DNAH9: variants seen among roughly 807,000 people sequenced by gnomAD.
DNAH9 encodes the protein DNAH9 variant protein.
In DNAH9, 345 loss-of-function variants were observed where a neutral mutation model predicts 471.6. The observed-to-expected ratio is 0.73, with a 90% CI of 0.67 to 0.80. The LOEUF (loss-of-function observed/expected upper bound fraction) is 0.80. Among genes scored for constraint, DNAH9 ranks in the 30% least tolerant of loss-of-function variants. The pLI, the probability that DNAH9 is intolerant of heterozygous loss-of-function variation, is 0.00. For synonymous variants in DNAH9, 2,093 were observed against 2,123.6 expected (o/e 0.99, Z 0.40); for missense variants, 5,407 against 5,609.2 (o/e 0.96, Z 1.15).
chr17:11,905,617 G>T, intron 60 of DNAH9, 44 bp from the exon 61 acceptor site: 1 of 1,577,582 alleles, frequency 6.3e-7, no homozygotes, highest in Non-Finnish European at 8.6e-7. Context: ...CCATTTTGTG[G>T]CTGCTATATA....
rs117790039 is a variant in DNAH9, at chr17:11,822,020, C to T, written c.8808C>T (p.Asn2936=). 67,171 of 1,613,928 alleles carry T rather than the reference C, an allele frequency of 0.042. 1,720 individuals are homozygous for T. Among genetic ancestry groups the T allele is most frequent in the Non-Finnish European group, 0.045 (52,759 of 1,179,910 alleles). ...KSQGLVDNRE[N]CWKFFIDRIR... ...AGGGTCTGGTTGACAACAGAGAGAA[C>T]TGTTGGAAGTTCTTTATAGATCGGA... Residue 2936 remains asparagine (N), a synonymous_variant, in exon 46 of 69, where the codon AAC becomes AAT. Transcript: ENST00000262442.
At chr17:11,865,659 A>G (rs1194611412) in intron 50 of DNAH9, among the ~76,000 whole-genome samples, 3 of 151,896 alleles carry the variant, frequency 2.0e-5, no homozygotes, top group African/African-American at 7.3e-5. Flanking sequence ...AGGTACACCA[A>G]TCAGACGTAG....
At chr17:11,653,165 G>A (rs1194223595) in intron 14 of DNAH9, among the ~76,000 whole-genome samples, 163 bp downstream of exon 14, 3 of 152,160 alleles carry the variant, frequency 2.0e-5, no homozygotes, top group African/African-American at 7.2e-5. Context: ...TGATAGACTG[G>A]GCAAATGAAA....
chr17:11,598,645 T>G lies in DNAH9; in HGVS notation c.147T>G (p.Ser49Arg). The part of the protein sequence containing the change: ...AAGAWERCAG[S>R]AEAEQLLQAF... Reference sequence around the variant, plus strand: ...GCGCCTGGGAGCGTTGCGCGGGGAGTGCTGAGGCGGAGCAGCTGCTCCAGG... The same window carrying G: ...GCGCCTGGGAGCGTTGCGCGGGGAGGGCTGAGGCGGAGCAGCTGCTCCAGG... Residue 49 changes from serine (S) to arginine (R), a missense_variant, in exon 1 of 69, where the codon AGT becomes AGG. By Grantham distance (110) the Ser-to-Arg change is moderately radical. This residue lies in a region of DNAH9 where 767 missense variants were observed against 692.5 expected (regional missense o/e 1.11). Coordinates refer to ENST00000262442, the MANE Select transcript of DNAH9 (RefSeq NM_001372.4). The G allele has an allele frequency of 7.4e-7, 1 of 1,353,144 alleles. No individual in the cohort carries two copies. The highest frequency in any genetic ancestry group is 9.4e-7 in the Non-Finnish European group (1 of 1,058,288). The allele number at this position is 1,353,144 out of a possible 1,614,324, so 83.8% of individuals were successfully genotyped here.
In DNAH9 at chr17:11,744,994, C is replaced by T. The variant is rs760019726; in HGVS notation, c.6309C>T (p.Val2103=). The part of the protein sequence containing the change: ...LIGDLFPALD[V]PRRRDPNFEA... ...GGGACCTCTTTCCCGCCCTGGATGT[C>T]CCCCGGAGGAGAGACCCCAACTTCG... The change falls in exon 31 of 69, where the codon GTC becomes GTT. Residue 2103 remains valine (V), a synonymous_variant. Coordinates refer to ENST00000262442, the MANE Select transcript of DNAH9 (RefSeq NM_001372.4). The T allele has an allele frequency of 3.7e-5, 59 of 1,613,920 alleles. No individual in the cohort carries two copies. The East Asian group carries it at 9.1e-4, about 25-fold the overall frequency.
intron 66 of DNAH9, among the ~76,000 whole-genome samples, chr17:11,938,577 G>A (rs1180081632): frequency 1.3e-5 from 2 of 151,638 alleles, no homozygotes; most frequent in Non-Finnish European, 2.9e-5. Context: ...TCCACCCCAT[G>A]GTACTGCCTG....
chr17:11,930,765 C>CAAAAAA (rs11371438), intron 63 of DNAH9, among the ~76,000 whole-genome samples: 1 of 125,218 alleles, frequency 8.0e-6, no homozygotes, highest in African/African-American at 3.2e-5. Context: ...ACTCCATCTC[C>CAAAAAA]AAAAAAAAAA....
chr17:11,748,896 C>T (rs1597588299), intron 32 of DNAH9, among the ~76,000 whole-genome samples: 1 of 152,192 alleles, frequency 6.6e-6, no homozygotes, highest in East Asian at 1.9e-4. Context: ...CTCTGGATTT[C>T]TCTAATTTAG....
At chr17:11,862,711 A>T (rs1235888730) in intron 50 of DNAH9, among the ~76,000 whole-genome samples, 2 of 152,160 alleles carry the variant, frequency 1.3e-5, no homozygotes, top group Non-Finnish European at 2.9e-5. Context: ...AGTGGTTTGT[A>T]GTTCTCCCTG....
At chr17:11,706,583 G>C (rs908087209) in intron 26 of DNAH9, among the ~76,000 whole-genome samples, 4 of 152,168 alleles carry the variant, frequency 2.6e-5, no homozygotes, top group Non-Finnish European at 4.4e-5. Context: ...CCCACTCACA[G>C]TAGAAGGAAA....
At chr17:11,908,873 A>G (rs139821742) in intron 61 of DNAH9, among the ~76,000 whole-genome samples, 2 of 152,348 alleles carry the variant, frequency 1.3e-5, no homozygotes, top group Middle Eastern at 3.4e-3. Flanking sequence ...GTGTCTGTCA[A>G]GATGGCTGTT....
At chr17:11,705,291 C>T in intron 26 of DNAH9, 106 bp downstream of exon 26, 1 of 1,005,608 alleles carries the variant, frequency 9.9e-7, no homozygotes, top group South Asian at 1.5e-5. Context: ...GTCCATAGAG[C>T]TACAGGGAAA....
At position 11,699,730 on chromosome 17, in the gene DNAH9, G is replaced by T. The variant is rs375909376; in HGVS notation, c.4873-1G>T. ...TCCATTGGCCTGGTTTCCCTTCATA[G>T]GTTCAACGTCACCTTTCCAAACTCT... is the stretch of plus-strand genomic sequence containing the variant. On this transcript the variant is annotated splice_acceptor_variant, in intron 22 of 68. Transcript: ENST00000262442. LOFTEE classifies it high-confidence loss of function. The T allele has an allele frequency of 6.2e-7, 1 of 1,613,974 alleles. No homozygotes were observed. Among genetic ancestry groups the T allele is most frequent in the Non-Finnish European group, 8.5e-7 (1 of 1,179,986 alleles).
rs556845423 is a variant in DNAH9, at chr17:11,950,372, C to T, written c.12843+7887C>T. Among the ~76,000 whole-genome samples, 320 of 152,200 alleles carry T rather than the reference C, an allele frequency of 2.1e-3. 2 individuals carry two copies. Among genetic ancestry groups the T allele is most frequent in the African/African-American group, 7.2e-3 (297 of 41,520 alleles). The stretch of plus-strand genomic sequence containing the variant: ...AAGTAGTTTCACTGCCCTAAAATTC[C>T]TTTGTATTGGATATATTTTAAACTT... On this transcript the variant is annotated intron_variant, in intron 67 of 68. Transcript: ENST00000262442.
In DNAH9 at chr17:11,860,762, T is replaced by C. The variant is rs143513030; in HGVS notation, c.9933+6334T>C. ...TTTCAGTAGAGATGAGGTTTTTCCA[T>C]GTTAGTCAGGCTGGTCTCGAACTCC... On this transcript the variant is annotated intron_variant, in intron 50 of 68. Coordinates refer to ENST00000262442, the MANE Select transcript of DNAH9 (RefSeq NM_001372.4). Among the ~76,000 whole-genome samples the C allele has an allele frequency of 2.6e-4, 39 of 152,278 alleles. No individual in the cohort carries two copies. The East Asian group carries it at 6.0e-3, about 23-fold the overall frequency.
intron 7 of DNAH9, among the ~76,000 whole-genome samples, chr17:11,631,412 G>C (rs2073062847): frequency 6.6e-6 from 1 of 152,036 alleles, no homozygotes; most frequent in African/African-American, 2.4e-5. Context: ...AATTCTATTA[G>C]TCAAAAGTAG....
intron 59 of DNAH9, among the ~76,000 whole-genome samples, chr17:11,902,286 G>A (rs534572991): frequency 6.6e-6 from 1 of 152,306 alleles, no homozygotes; most frequent in East Asian, 1.9e-4. Flanking sequence ...TTAACACAGA[G>A]TACATGAATA....
intron 50 of DNAH9, among the ~76,000 whole-genome samples, chr17:11,867,250 T>C (rs1034737973): frequency 2.6e-5 from 4 of 152,252 alleles, no homozygotes; most frequent in African/African-American, 9.6e-5. Flanking sequence ...ATTATTTCTT[T>C]GGTAAATTCC....
chr17:11,798,357 T>C (rs1052307825), intron 43 of DNAH9, among the ~76,000 whole-genome samples: 4 of 138,056 alleles, frequency 2.9e-5, no homozygotes, highest in Non-Finnish European at 6.0e-5. Context: ...CGCTTGAACC[T>C]GGGAGGCCCA....
Sources: gnomAD v4.1 joint callset for allele counts (sites outside exome capture counted in the v4.1 genomes callset) on GRCh38, gnomAD v4.1.1 for gene constraint, gnomAD v4.1.1 regional missense constraint, MANE v1.5 for transcripts, NCBI Gene and HGNC (gene_info 2026-07-23, HGNC 2026-07-21) for gene names.